The following GNG2 variants were observed in gnomAD, a reference collection of about 807,000 sequenced individuals.
GNG2 encodes G protein subunit gamma 2, also known as guanine nucleotide-binding protein G(I)/G(S)/G(O) subunit gamma-2.
Under a neutral mutation model 5.5 loss-of-function variants are expected in GNG2, and 5 were observed. The observed-to-expected ratio is 0.91, with a 90% CI of 0.48 to 1.92. The LOEUF (loss-of-function observed/expected upper bound fraction) is 1.92. Ranked by LOEUF, GNG2 falls within the 30% of genes most tolerant of loss-of-function variation. The pLI, the probability that GNG2 is intolerant of heterozygous loss-of-function variation, is 0.01. For synonymous variants in GNG2, 28 were observed against 32.0 expected, an observed-to-expected ratio of 0.88 and a Z score of 0.42; for missense variants, 55 against 88.4, an observed-to-expected ratio of 0.62 and a Z score of 1.52.
chr14:51,844,379 C>T (rs149189395), intron 2 of GNG2, among the ~76,000 whole-genome samples: 77 of 152,268 alleles, frequency 5.1e-4, no homozygotes, highest in African/African-American at 1.8e-3. Flanking sequence ...GGGGGCAGAT[C>T]TTATGTCTGA....
chr14:51,935,859 T>C (rs992925110), intron 2 of GNG2, among the ~76,000 whole-genome samples: 2 of 152,020 alleles, frequency 1.3e-5, no homozygotes, highest in African/African-American at 2.4e-5. Context: ...GAGAGAGCGA[T>C]GTTTTCTGAG....
At chr14:51,831,669 T>C (rs923239228) in intron 2 of GNG2, among the ~76,000 whole-genome samples, 1 of 152,222 alleles carries the variant, frequency 6.6e-6, no homozygotes, top group Non-Finnish European at 1.5e-5. Flanking sequence ...CATCTCATGG[T>C]CTGTAAGGAA....
intron 1 of GNG2, among the ~76,000 whole-genome samples, chr14:51,868,271 A>G (rs772238230): frequency 6.6e-6 from 1 of 152,232 alleles, no homozygotes; most frequent in Non-Finnish European, 1.5e-5. Context: ...CAGTAAACAC[A>G]TAAACCAGTG....
intron 1 of GNG2, among the ~76,000 whole-genome samples, chr14:51,874,849 G>A (rs1349321815): frequency 6.6e-6 from 1 of 152,040 alleles, no homozygotes; most frequent in Non-Finnish European, 1.5e-5. Context: ...TTAAACTATA[G>A]ATTTCGTTTT....
At chr14:51,910,380 G>A (rs527309262) in intron 2 of GNG2, among the ~76,000 whole-genome samples, 72 of 152,286 alleles carry the variant, frequency 4.7e-4, no homozygotes, top group Non-Finnish European at 5.9e-4. Flanking sequence ...CAAGAAATGA[G>A]GCTGAAGAAG....
chr14:51,961,364 C>T (rs907427950), intron 3 of GNG2, among the ~76,000 whole-genome samples: 2 of 152,130 alleles, frequency 1.3e-5, no homozygotes, highest in African/African-American at 2.4e-5. Flanking sequence ...AGTAAATATT[C>T]GTTGCATGAA....
intron 2 of GNG2, among the ~76,000 whole-genome samples, chr14:51,934,196 C>T (rs1262440187): frequency 1.3e-5 from 2 of 151,928 alleles, no homozygotes; most frequent in East Asian, 1.9e-4. Flanking sequence ...TTTTGAGGGC[C>T]GGAGAAAAGG....
intron 2 of GNG2, among the ~76,000 whole-genome samples, chr14:51,915,721 A>T (rs1197396370): frequency 6.6e-6 from 1 of 152,242 alleles, no homozygotes; most frequent in African/African-American, 2.4e-5. Context: ...TTTGGAAAAA[A>T]AAGTGGTATT....
At chr14:51,872,368 G>A (rs1883365336) in intron 1 of GNG2, among the ~76,000 whole-genome samples, 1 of 151,964 alleles carries the variant, frequency 6.6e-6, no homozygotes, top group Admixed American at 6.5e-5. Flanking sequence ...AGGGATTTAA[G>A]CGAAATAGAT....
chr14:51,944,664 C>T (rs773372913), intron 2 of GNG2, among the ~76,000 whole-genome samples: 3 of 152,068 alleles, frequency 2.0e-5, no homozygotes, highest in South Asian at 2.1e-4. Context: ...ATGGATCAAA[C>T]GCCTAAACAT....
At chr14:51,865,949 GA>G (rs10578977) in intron 1 of GNG2, among the ~76,000 whole-genome samples, 4,653 of 150,976 alleles carry the variant, frequency 0.031, 205 homozygotes, top group African/African-American at 0.099. Context: ...ATTAAACACT[GA>G]AAAAAAAAAA....
chr14:51,921,307 G>T (rs1887002404), intron 2 of GNG2, among the ~76,000 whole-genome samples: 1 of 152,030 alleles, frequency 6.6e-6, no homozygotes, highest in Non-Finnish European at 1.5e-5. Flanking sequence ...AAGTACTTAG[G>T]GCCTGCATTA....
At chr14:51,895,044 G>A (rs1324882209) in intron 2 of GNG2, among the ~76,000 whole-genome samples, 10 of 148,384 alleles carry the variant, frequency 6.7e-5, no homozygotes, top group Non-Finnish European at 6.0e-5. Context: ...AAAAGAATAG[G>A]AAAAAAAAAA....
rs567345998 is a variant in GNG2, at chr14:51,855,300, C to A, written c.64+27493C>A. Among the ~76,000 whole-genome samples the A allele has an allele frequency of 1.2e-4, 19 of 152,262 alleles. No homozygotes were observed. In the South Asian group the frequency reaches 3.5e-3, roughly 28 times the overall value. On this transcript the variant is annotated intron_variant, in intron 2 of 3. Coordinates refer to the GNG2 transcript ENST00000553432. Reference sequence around the variant, plus strand: ...CTAGCTTTCGTGCTGGGCCGTGAGACAGAGACTGGCATTTTTCATTAGTGA... The same window carrying A: ...CTAGCTTTCGTGCTGGGCCGTGAGAAAGAGACTGGCATTTTTCATTAGTGA...
At chr14:51,853,922 G>A (rs138361486) in intron 2 of GNG2, among the ~76,000 whole-genome samples, 4 of 149,484 alleles carry the variant, frequency 2.7e-5, no homozygotes, top group South Asian at 2.1e-4. Flanking sequence ...ACAGAGTCTC[G>A]CTCTGTTGCC....
intron 1 of GNG2, among the ~76,000 whole-genome samples, chr14:51,867,865 A>C (rs1217497318): frequency 3.3e-5 from 5 of 152,152 alleles, no homozygotes; most frequent in African/African-American, 9.7e-5. Context: ...CACAGCATCT[A>C]GCTCATTCTA....
intron 2 of GNG2, chr14:51,847,145 A>C (rs1881653146): frequency 6.6e-6 from 1 of 152,280 alleles, no homozygotes; most frequent in Non-Finnish European, 1.5e-5. Flanking sequence ...CGTTGGCATC[A>C]AGACAGGCCT....
intron 2 of GNG2, among the ~76,000 whole-genome samples, chr14:51,829,759 G>C (rs1881130503): frequency 6.6e-6 from 1 of 151,698 alleles, no homozygotes; most frequent in South Asian, 2.1e-4. Context: ...AAGACCACCA[G>C]AGACATCCAC....
intron 2 of GNG2, among the ~76,000 whole-genome samples, chr14:51,882,475 G>A (rs922637922): frequency 2.0e-5 from 3 of 152,168 alleles, no homozygotes; most frequent in African/African-American, 7.2e-5. Flanking sequence ...CATAGTGTCT[G>A]CAAGGTAGAA....
Sources: allele counts gnomAD v4.1 joint callset (sites outside exome capture counted in the v4.1 genomes callset), GRCh38; gene constraint gnomAD v4.1.1; transcripts MANE v1.5; gene names NCBI Gene and HGNC (gene_info 2026-07-23, HGNC 2026-07-21).